The following CDH13 variants were observed in gnomAD, a reference collection of about 807,000 sequenced individuals.
CDH13 encodes the protein cadherin-13.
A neutral mutation model predicts 63.8 loss-of-function variants in CDH13; 24 were observed. That is an observed-to-expected ratio of 0.38 (90% confidence interval 0.27 to 0.53). The LOEUF (loss-of-function observed/expected upper bound fraction) is 0.53. Ranked by LOEUF, CDH13 falls within the 20% of genes least tolerant of loss-of-function variation. CDH13 has a pLI of 0.85. For missense variants in CDH13, 1,049 were observed against 903.1 expected, an observed-to-expected ratio of 1.16 and a Z score of -2.07; for synonymous variants, 503 against 355.3, an observed-to-expected ratio of 1.42 and a Z score of -4.67.
chr16:82,911,472 G>A (rs969230414), intron 2 of CDH13, among the ~76,000 whole-genome samples: 36 of 152,208 alleles, frequency 2.4e-4, no homozygotes, highest in Middle Eastern at 6.8e-3. Context: ...GGCTACATAC[G>A]GAATCTTGAT....
chr16:83,096,574 C>A (rs2034204717), intron 3 of CDH13, among the ~76,000 whole-genome samples: 1 of 152,336 alleles, frequency 6.6e-6, no homozygotes, highest in Non-Finnish European at 1.5e-5. Flanking sequence ...ATTCTCAGGA[C>A]TGAGTATCTC....
At chr16:82,925,335 C>A (rs2042270798) in intron 2 of CDH13, among the ~76,000 whole-genome samples, 1 of 152,160 alleles carries the variant, frequency 6.6e-6, no homozygotes, top group South Asian at 2.1e-4. Flanking sequence ...CAGATAATTG[C>A]CAGTTGAGTG....
chr16:82,935,022 G>A lies in CDH13; in HGVS notation c.157+76549G>A, dbSNP rs113854253. ...TTGGGTATCCTTACGGCAGCACCCCGCTCCCTCGGTACCAATTTGCTTTAT... is the reference window on the plus strand; with the variant it reads ...TTGGGTATCCTTACGGCAGCACCCCACTCCCTCGGTACCAATTTGCTTTAT... On this transcript the variant is annotated intron_variant, in intron 2 of 13. Coordinates refer to ENST00000567109, the MANE Select transcript of CDH13 (RefSeq NM_001257.5). Among the ~76,000 whole-genome samples the A allele has an allele frequency of 3.9e-5, 6 of 152,206 alleles. No individual in the cohort carries two copies. In the South Asian group the frequency reaches 6.2e-4, roughly 16 times the overall value.
intron 1 of CDH13, among the ~76,000 whole-genome samples, chr16:82,703,472 C>T (rs1332061101): frequency 1.3e-5 from 2 of 152,136 alleles, no homozygotes; most frequent in African/African-American, 2.4e-5. Context: ...TCCCCACTCC[C>T]TTGCCCCTTT....
intron 6 of CDH13, among the ~76,000 whole-genome samples, chr16:83,464,986 G>C (rs557785910): frequency 6.6e-6 from 1 of 152,274 alleles, no homozygotes; most frequent in Non-Finnish European, 1.5e-5. Context: ...GTCTGGGAAT[G>C]ACACAGTTTC....
intron 1 of CDH13, among the ~76,000 whole-genome samples, chr16:82,842,114 A>ATATATATATATATATATATATATATGTG (rs2039042300): frequency 2.6e-5 from 1 of 38,240 alleles, no homozygotes. Context: ...ATATATATGT[A>ATATATATATATATATATATATATATGTG]TATATATATA....
intron 1 of CDH13, among the ~76,000 whole-genome samples, chr16:82,850,264 G>C (rs1397533180): frequency 6.6e-6 from 1 of 152,308 alleles, no homozygotes; most frequent in South Asian, 2.1e-4. Context: ...CAGGAGTTTA[G>C]AAGATGTTGA....
chr16:83,320,682 A>C (rs1297602183), intron 5 of CDH13, among the ~76,000 whole-genome samples: 3 of 152,228 alleles, frequency 2.0e-5, no homozygotes, highest in Non-Finnish European at 4.4e-5. Context: ...AAGTCAAAAA[A>C]GGAGGAAATC....
At chr16:82,733,631 T>A (rs2033517265) in intron 1 of CDH13, among the ~76,000 whole-genome samples, 1 of 152,090 alleles carries the variant, frequency 6.6e-6, no homozygotes, top group Admixed American at 6.5e-5. Flanking sequence ...CTTAGTGAGG[T>A]TCTATAGATG....
intron 1 of CDH13, among the ~76,000 whole-genome samples, chr16:82,656,312 C>CGTGTGT (rs111540944): frequency 1.0e-3 from 153 of 146,562 alleles, no homozygotes; most frequent in African/African-American, 3.5e-3. Context: ...GAATGGTGTG[C>CGTGTGT]GTGTGTGTGT....
chr16:82,665,689 C>G (rs984066483), intron 1 of CDH13, among the ~76,000 whole-genome samples: 4 of 152,034 alleles, frequency 2.6e-5, no homozygotes, highest in African/African-American at 9.7e-5. Flanking sequence ...TCTGCTTGGA[C>G]TCTGCCCAAC....
intron 5 of CDH13, among the ~76,000 whole-genome samples, chr16:83,295,408 A>G (rs988228897): frequency 6.6e-6 from 1 of 152,202 alleles, no homozygotes; most frequent in Non-Finnish European, 1.5e-5. Flanking sequence ...TGCACAGCAA[A>G]TGAAACAACA....
Position 82,910,669 on chromosome 16 carries a change from G to T in CDH13, c.157+52196G>T, listed in dbSNP as rs188080518. Among the ~76,000 whole-genome samples, 38 of 152,256 alleles carry T rather than the reference G, an allele frequency of 2.5e-4. No individual in the cohort carries two copies. The East Asian group carries it at 2.5e-3, about 10-fold the overall frequency. ...CTAGTCTCAAACCACTAAACAGGCC[G>T]CACAGGTGTTTAGTGGTACTTATTG... On this transcript the variant is annotated intron_variant, in intron 2 of 13. Transcript: ENST00000567109.
chr16:82,882,562 C>A (rs2040742787), intron 2 of CDH13, among the ~76,000 whole-genome samples: 1 of 152,094 alleles, frequency 6.6e-6, no homozygotes, highest in African/African-American at 2.4e-5. Context: ...CTTAACCATG[C>A]TGGAAAAAGT....
At chr16:83,255,566 C>A (rs1267082828) in intron 5 of CDH13, among the ~76,000 whole-genome samples, 8 of 152,204 alleles carry the variant, frequency 5.3e-5, no homozygotes, top group Non-Finnish European at 1.2e-4. Context: ...TCCAGCTTGG[C>A]TCTTTCTACA....
At chr16:82,823,113 A>T (rs1274924020) in intron 1 of CDH13, 2 of 152,274 alleles carry the variant, frequency 1.3e-5, no homozygotes, top group Non-Finnish European at 2.9e-5. Context: ...AAAGATGCCT[A>T]TTCCAAGAGA....
At chr16:83,557,840 G>T (rs538568269) in intron 7 of CDH13, among the ~76,000 whole-genome samples, 98 of 152,088 alleles carry the variant, frequency 6.4e-4, no homozygotes, top group Admixed American at 1.5e-3. Flanking sequence ...GAGTAGAGAG[G>T]CAATTAGGGC....
intron 6 of CDH13, among the ~76,000 whole-genome samples, chr16:83,411,094 T>C (rs2092119586): frequency 6.6e-6 from 1 of 152,218 alleles, no homozygotes; most frequent in Non-Finnish European, 1.5e-5. Context: ...AGCCCTCCTT[T>C]ACATCCTCCA....
chr16:83,551,435 T>A (rs2075494573), intron 7 of CDH13, among the ~76,000 whole-genome samples: 1 of 152,176 alleles, frequency 6.6e-6, no homozygotes, highest in South Asian at 2.1e-4. Context: ...CAACAAGTGT[T>A]ATTTGGCCAT....
Sources: allele counts gnomAD v4.1 joint callset (sites outside exome capture counted in the v4.1 genomes callset), GRCh38; gene constraint gnomAD v4.1.1; transcripts MANE v1.5; gene names NCBI Gene and HGNC (gene_info 2026-07-23, HGNC 2026-07-21).